CIMAP1D: variants seen among roughly 807,000 people sequenced by gnomAD.
CIMAP1D encodes CIMAP1 family member D, also known as protein CIMAP1D.
At chr19:475,068 G>T in the CIMAP1D span, 6 of 274,058 alleles carry the variant, frequency 2.2e-5, no homozygotes, top group Non-Finnish European at 3.4e-5. Context: ...TGGGCAGCTG[G>T]GGCCAGGGCC....
the CIMAP1D span, chr19:474,575 G>A: frequency 2.1e-6 from 3 of 1,447,326 alleles, no homozygotes; most frequent in Non-Finnish European, 2.8e-6. Flanking sequence ...AGTATGGGGA[G>A]TGGAGCAGGA....
At chr19:483,858 G>A in the CIMAP1D span, among the ~76,000 whole-genome samples, 6 of 152,258 alleles carry the variant, frequency 3.9e-5, 1 homozygote, top group Admixed American at 3.9e-4. Context: ...CCTGTCAGCC[G>A]CCATCCTGCC....
the CIMAP1D span, among the ~76,000 whole-genome samples, chr19:488,516 C>T: frequency 3.3e-5 from 5 of 152,202 alleles, no homozygotes; most frequent in East Asian, 1.9e-4. Flanking sequence ...AGCGAGACTC[C>T]GTCTCAAAAA....
the CIMAP1D span, among the ~76,000 whole-genome samples, chr19:470,269 C>T: frequency 1.3e-5 from 2 of 150,084 alleles, no homozygotes; most frequent in African/African-American, 4.9e-5. Flanking sequence ...TGCAGTGGCA[C>T]AGTCTCAGCT....
the CIMAP1D span, among the ~76,000 whole-genome samples, chr19:466,324 TG>T: frequency 1.1e-5 from 1 of 93,786 alleles, no homozygotes; most frequent in Non-Finnish European, 2.1e-5. Context: ...GATAGATGGT[TG>T]GGTGGAGGGT....
chr19:491,038 G>C, the CIMAP1D span, among the ~76,000 whole-genome samples: 4,369 of 152,126 alleles, frequency 0.029, 232 homozygotes, highest in East Asian at 0.21. Context: ...AGAGGTTGCA[G>C]TGAGCTGAGA....
chr19:485,329 G>A, the CIMAP1D span, among the ~76,000 whole-genome samples: 22 of 152,208 alleles, frequency 1.4e-4, no homozygotes, highest in Non-Finnish European at 1.8e-4. Flanking sequence ...GGGCGTGCCC[G>A]AGCCCCGTGG....
the CIMAP1D span, among the ~76,000 whole-genome samples, chr19:478,893 C>T: frequency 6.6e-6 from 1 of 152,250 alleles, no homozygotes; most frequent in Non-Finnish European, 1.5e-5. Flanking sequence ...TATTTGGGGC[C>T]AGGCCCTGCT....
At chr19:470,302 G>A in the CIMAP1D span, among the ~76,000 whole-genome samples, 1 of 151,232 alleles carries the variant, frequency 6.6e-6, no homozygotes, top group Non-Finnish European at 1.5e-5. Context: ...CGCCTCCCGG[G>A]TTCATGCCAT....
the CIMAP1D span, chr19:474,745 C>T: frequency 2.0e-6 from 3 of 1,528,032 alleles, no homozygotes; most frequent in South Asian, 1.2e-5. Context: ...TGAGGGTCCC[C>T]ATGGTGGGCA....
At chr19:484,296 A>G in the CIMAP1D span, among the ~76,000 whole-genome samples, 7 of 151,282 alleles carry the variant, frequency 4.6e-5, 1 homozygote, top group South Asian at 1.5e-3. Context: ...GTGCGCCACC[A>G]CGCCCGGCTA....
chr19:475,410 A>T, the CIMAP1D span, among the ~76,000 whole-genome samples: 4 of 152,322 alleles, frequency 2.6e-5, no homozygotes, highest in South Asian at 8.3e-4. Flanking sequence ...AAATGTGATA[A>T]GTGAACACAG....
the CIMAP1D span, among the ~76,000 whole-genome samples, chr19:482,973 G>A: frequency 1.3e-5 from 2 of 152,140 alleles, no homozygotes; most frequent in African/African-American, 4.8e-5. Flanking sequence ...ACACTGTGTG[G>A]TCCCTGATGA....
At chr19:471,818 C>T in the CIMAP1D span, among the ~76,000 whole-genome samples, 1 of 152,122 alleles carries the variant, frequency 6.6e-6, no homozygotes, top group Admixed American at 6.5e-5. Flanking sequence ...TCTCGGCTCA[C>T]CGCAAGCTCC....
the CIMAP1D span, among the ~76,000 whole-genome samples, chr19:473,727 GATCACA>G: frequency 2.5e-5 from 3 of 117,744 alleles, no homozygotes; most frequent in Admixed American, 8.9e-5. Context: ...AGAGATACAC[GATCACA>G]GATGGGGAGA....
At chr19:485,843 C>T in the CIMAP1D span, among the ~76,000 whole-genome samples, 1 of 152,222 alleles carries the variant, frequency 6.6e-6, no homozygotes, top group Admixed American at 6.5e-5. Flanking sequence ...GCCACCGGCC[C>T]GTCCAGGGTC....
the CIMAP1D span, chr19:464,099 G>T: frequency 2.3e-6 from 3 of 1,288,492 alleles, no homozygotes; most frequent in Non-Finnish European, 3.0e-6. Flanking sequence ...TGTCGTACTG[G>T]CCCGGGCCTG....
At chr19:482,714 C>A in the CIMAP1D span, among the ~76,000 whole-genome samples, 1 of 152,116 alleles carries the variant, frequency 6.6e-6, no homozygotes, top group African/African-American at 2.4e-5. Context: ...TGGACAGAGG[C>A]GGAGGTCACA....
At chr19:472,521 G>A in the CIMAP1D span, 1 of 1,510,748 alleles carries the variant, frequency 6.6e-7, no homozygotes, top group Non-Finnish European at 8.9e-7. Flanking sequence ...AAAGCCCTCA[G>A]GTCACCTCCT....
Sources: gnomAD v4.1 joint callset for allele counts (sites outside exome capture counted in the v4.1 genomes callset) on GRCh38, gnomAD v4.1.1 for gene constraint, MANE v1.5 for transcripts, NCBI Gene and HGNC (gene_info 2026-07-23, HGNC 2026-07-21) for gene names.